TMCC1: variants seen among roughly 807,000 people sequenced by gnomAD.
The protein encoded by TMCC1 is transmembrane and coiled-coil domain family 1, also known as transmembrane and coiled-coil domains protein 1.
Under a neutral mutation model 52.4 loss-of-function variants are expected in TMCC1, and 15 were observed. That is an observed-to-expected ratio of 0.29 (90% confidence interval 0.19 to 0.44). The LOEUF is 0.44. Ranked by LOEUF, TMCC1 falls within the 20% of genes least tolerant of loss-of-function variation. The probability of loss-of-function intolerance (pLI) is 1.00; values close to 1 mark genes in which losing one functional copy is unlikely to be tolerated. For synonymous variants in TMCC1, 279 were observed against 301.9 expected, an observed-to-expected ratio of 0.92 and a Z score of 0.79; for missense variants, 503 against 806.0, an observed-to-expected ratio of 0.62 and a Z score of 4.55.
intron 4 of TMCC1, among the ~76,000 whole-genome samples, chr3:129,748,708 A>C (rs1000658236): frequency 1.3e-5 from 2 of 152,030 alleles, no homozygotes; most frequent in Non-Finnish European, 2.9e-5. Flanking sequence ...GGTGCTACTT[A>C]ATTTCAATTT....
chr3:129,740,349 G>C (rs2051354053), intron 4 of TMCC1, among the ~76,000 whole-genome samples: 2 of 152,170 alleles, frequency 1.3e-5, no homozygotes, highest in African/African-American at 4.8e-5. Flanking sequence ...TTCTATCCAA[G>C]AGAAGCATGT....
rs559216113 is a variant in TMCC1, at chr3:129,829,617, T to C, written c.-130-1109A>G. Among the ~76,000 whole-genome samples, 10 of 152,110 alleles carry C rather than the reference T, an allele frequency of 6.6e-5. No individual in the cohort carries two copies. In the East Asian group the frequency reaches 1.5e-3, roughly 24 times the overall value. ...GCAAAATATGATGTAGGAGGTTATT[T>C]CCATATTTTTCTTTAAATTTTTGTT... On this transcript the variant is annotated intron_variant, in intron 3 of 6. Transcript: ENST00000393238.
intron 4 of TMCC1, among the ~76,000 whole-genome samples, chr3:129,720,783 C>T (rs1385143680): frequency 6.6e-6 from 1 of 152,210 alleles, no homozygotes; most frequent in Non-Finnish European, 1.5e-5. Flanking sequence ...CAGTCCCAAA[C>T]TCCTGGGCTC....
At chr3:129,805,216 A>G (rs1255462461) in intron 4 of TMCC1, among the ~76,000 whole-genome samples, 2 of 152,132 alleles carry the variant, frequency 1.3e-5, no homozygotes, top group African/African-American at 4.8e-5. Context: ...AGGTTGGAGT[A>G]CAGTGATACA....
At chr3:129,687,097 C>T (rs2089462331) in intron 4 of TMCC1, among the ~76,000 whole-genome samples, 2 of 152,016 alleles carry the variant, frequency 1.3e-5, no homozygotes, top group Non-Finnish European at 2.9e-5. Context: ...GAGGAGGGCA[C>T]CTGCCAGTAA....
At chr3:129,674,847 C>CT (rs921935044) in intron 4 of TMCC1, among the ~76,000 whole-genome samples, 32 of 150,260 alleles carry the variant, frequency 2.1e-4, no homozygotes, top group African/African-American at 2.9e-4. Context: ...GATTTCTCTT[C>CT]TTTTTTTTTT....
chr3:129,658,741 T>C (rs902328308), intron 5 of TMCC1, among the ~76,000 whole-genome samples: 6 of 152,234 alleles, frequency 3.9e-5, no homozygotes, highest in African/African-American at 1.4e-4. Flanking sequence ...ATTAATTCTA[T>C]AGAAATAGGG....
intron 4 of TMCC1, among the ~76,000 whole-genome samples, chr3:129,676,106 C>T (rs1304878839): frequency 6.6e-6 from 1 of 151,486 alleles, no homozygotes; most frequent in Non-Finnish European, 1.5e-5. Flanking sequence ...TTGATTGCCT[C>T]CCACCACCAG....
chr3:129,729,764 G>A (rs1015404678), intron 4 of TMCC1, among the ~76,000 whole-genome samples: 1 of 151,952 alleles, frequency 6.6e-6, no homozygotes, highest in Non-Finnish European at 1.5e-5. Context: ...TGCTCAGAAC[G>A]CTTACATTAG....
chr3:129,771,702 G>A (rs890379792), intron 4 of TMCC1, among the ~76,000 whole-genome samples: 1 of 143,376 alleles, frequency 7.0e-6, no homozygotes, highest in Non-Finnish European at 1.5e-5. Context: ...TTGGCCCCAG[G>A]AGGTCAAGGC....
At chr3:129,786,575 C>T (rs189287266) in intron 4 of TMCC1, among the ~76,000 whole-genome samples, 168 of 152,234 alleles carry the variant, frequency 1.1e-3, no homozygotes, top group African/African-American at 3.3e-3. Context: ...TTCAAGTCTA[C>T]CTCAGGTTCA....
intron 4 of TMCC1, among the ~76,000 whole-genome samples, chr3:129,724,288 C>A (rs1055932962): frequency 6.6e-6 from 1 of 152,150 alleles, no homozygotes; most frequent in Non-Finnish European, 1.5e-5. Context: ...TACTTTGAAT[C>A]CCAAACACAG....
At chr3:129,774,875 C>A (rs1453553856) in intron 4 of TMCC1, among the ~76,000 whole-genome samples, 2 of 152,148 alleles carry the variant, frequency 1.3e-5, no homozygotes, top group Non-Finnish European at 2.9e-5. Flanking sequence ...AGAATCTCTA[C>A]AGATCATGTT....
intron 4 of TMCC1, among the ~76,000 whole-genome samples, chr3:129,729,719 C>T (rs1009158453): frequency 6.6e-6 from 1 of 152,184 alleles, no homozygotes; most frequent in East Asian, 1.9e-4. Flanking sequence ...ACCTAACTTA[C>T]TGAACATCAT....
intron 4 of TMCC1, among the ~76,000 whole-genome samples, chr3:129,811,265 A>AT (rs113538917): frequency 1.3e-5 from 2 of 152,010 alleles, no homozygotes; most frequent in South Asian, 2.1e-4. Flanking sequence ...CATTTTATAT[A>AT]TTATTTTTAA....
In TMCC1 at chr3:129,827,838, C is replaced by G. The variant is rs2058723470; in HGVS notation, c.541G>C (p.Ala181Pro). ...IACAAAAAAA[A>P]CLPGEEGTAE... The stretch of plus-strand genomic sequence containing the variant: ...GTTCCCTCCTCTCCTGGTAGACATG[C>G]AGCAGCAGCAGCAGCAGCAGCACAA... Residue 181 changes from alanine to proline, a missense_variant, in exon 4 of 7, where the codon GCA (alanine) becomes CCA (proline). This residue lies in a region of TMCC1 where 217 missense variants were observed against 297.9 expected (regional missense o/e 0.73). Transcript: ENST00000393238. The G allele has an allele frequency of 1.3e-6, 2 of 1,485,540 alleles. No individual in the cohort carries two copies. Among genetic ancestry groups the G allele is most frequent in the Non-Finnish European group, 1.8e-6 (2 of 1,081,664 alleles). The allele number at this position is 1,485,540 out of a possible 1,614,324, so 92.0% of individuals were successfully genotyped here.
intron 4 of TMCC1, among the ~76,000 whole-genome samples, chr3:129,820,304 T>C (rs985201954): frequency 3.0e-4 from 46 of 151,968 alleles, no homozygotes; most frequent in African/African-American, 1.1e-3. Context: ...TACAGTTGTT[T>C]GTAGTGAGAA....
At chr3:129,795,459 AT>A (rs1553873555) in intron 4 of TMCC1, among the ~76,000 whole-genome samples, 1 of 6,260 alleles carries the variant, frequency 1.6e-4, no homozygotes, top group African/African-American at 2.2e-4. Context: ...TCATTCGTAT[AT>A]TTTTTTTCCC....
intron 1 of TMCC1, among the ~76,000 whole-genome samples, chr3:129,886,257 A>G (rs1160927790): frequency 1.3e-5 from 2 of 152,216 alleles, no homozygotes; most frequent in Non-Finnish European, 2.9e-5. Context: ...TATAAAGACA[A>G]CAAGAAAATT....
Sources: allele counts gnomAD v4.1 joint callset (sites outside exome capture counted in the v4.1 genomes callset), GRCh38; gene constraint gnomAD v4.1.1; regional missense constraint gnomAD v4.1.1; transcripts MANE v1.5; gene names NCBI Gene and HGNC (gene_info 2026-07-23, HGNC 2026-07-21).